Variants in CFDP1 observed in about 807,000 individuals in gnomAD.
CFDP1 encodes chromatin remodeling protein CFDP1, also known as heterochromatin-stabilizing protein CFDP1.
A neutral mutation model predicts 40.1 loss-of-function variants in CFDP1; 31 were observed. The ratio of observed to expected loss-of-function variants is 0.77; its 90% confidence interval spans 0.58 to 1.04. The LOEUF (loss-of-function observed/expected upper bound fraction) is 1.04, where lower values mean the gene tolerates loss of function less well. CFDP1 is among the 50% of genes least tolerant of loss of function. The probability of loss-of-function intolerance (pLI) is 0.00; values close to 1 mark genes in which losing one functional copy is unlikely to be tolerated. For missense variants in CFDP1, 423 were observed against 343.4 expected (o/e 1.23, Z -1.83); for synonymous variants, 167 against 120.0 (o/e 1.39, Z -2.56).
chr16:75,347,207 A>C (rs538465237), intron 5 of CFDP1, among the ~76,000 whole-genome samples: 1 of 151,550 alleles, frequency 6.6e-6, no homozygotes, highest in South Asian at 2.1e-4. Context: ...AGCTGGGCAT[A>C]ATGGCGGGCG....
chr16:75,380,168 G>C lies in CFDP1; in HGVS notation c.650+14922C>G, dbSNP rs565343792. ...AAAAAAAGAAAGAAAAGCTACATAGGGTATCTGCACTTAAAGCCGATGAAC... is the reference window on the plus strand; with the variant it reads ...AAAAAAAGAAAGAAAAGCTACATAGCGTATCTGCACTTAAAGCCGATGAAC... On this transcript the variant is annotated intron_variant, in intron 5 of 6. Transcript: ENST00000283882. The C allele has an allele frequency of 2.0e-5, 3 of 151,720 alleles. No homozygotes were observed. In the East Asian group the frequency reaches 5.8e-4, roughly 29 times the overall value. 9.4% of individuals were successfully genotyped at this position (151,720 alleles called of 1,614,324 possible).
chr16:75,371,869 A>C (rs2078754108), intron 5 of CFDP1, among the ~76,000 whole-genome samples: 1 of 152,182 alleles, frequency 6.6e-6, no homozygotes, highest in Admixed American at 6.5e-5. Context: ...ATGATTTTAT[A>C]ATTTCCTTGT....
chr16:75,395,190 C>T lies in CFDP1; in HGVS notation c.550G>A (p.Ala184Thr). 6.2e-7 allele frequency: 1 copy of T among 1,613,538 alleles called. No individual in the cohort carries two copies. The highest frequency in any genetic ancestry group is 8.5e-7 in the Non-Finnish European group (1 of 1,179,694). The change falls in exon 5 of 7, where the codon GCT (alanine) becomes ACT (threonine). Residue 184 changes from alanine to threonine, a missense_variant. Ala to Thr is a moderately conservative substitution (Grantham distance 58). Coordinates refer to ENST00000283882, the MANE Select transcript of CFDP1 (RefSeq NM_006324.3). ...AAGGATTTGGCCTCTTTAGATGTAG[C>T]ATCCACTTCCTTAGTTACCCTGTGC... ...EEVRVTKEVDATSKEAKSFFK... is the reference protein window; with the variant it reads ...EEVRVTKEVDTTSKEAKSFFK...
At chr16:75,324,301 C>T (rs1036354244) in intron 5 of CFDP1, among the ~76,000 whole-genome samples, 4 of 151,996 alleles carry the variant, frequency 2.6e-5, no homozygotes, top group African/African-American at 4.8e-5. Flanking sequence ...AAGTCCACAA[C>T]GAGGCAACAG....
chr16:75,381,041 G>C (rs1422228795), intron 5 of CFDP1, among the ~76,000 whole-genome samples: 1 of 152,178 alleles, frequency 6.6e-6, no homozygotes, highest in Non-Finnish European at 1.5e-5. Flanking sequence ...CCCCAGCAGT[G>C]GCACGTAGAG....
chr16:75,368,595 C>CAAAAAA (rs2078732337), intron 5 of CFDP1, among the ~76,000 whole-genome samples: 2 of 152,068 alleles, frequency 1.3e-5, no homozygotes, highest in South Asian at 2.1e-4. Flanking sequence ...AAAAGATTGG[C>CAAAAAA]AAAATATTGA....
At chr16:75,422,683 C>T (rs2079293837) in intron 1 of CFDP1, among the ~76,000 whole-genome samples, 1 of 151,888 alleles carries the variant, frequency 6.6e-6, no homozygotes, top group Non-Finnish European at 1.5e-5. Flanking sequence ...GTCAGAGCCA[C>T]CACATCCAGC....
At chr16:75,403,547 A>T (rs1316424006) in intron 4 of CFDP1, among the ~76,000 whole-genome samples, 1 of 152,180 alleles carries the variant, frequency 6.6e-6, no homozygotes, top group Non-Finnish European at 1.5e-5. Flanking sequence ...ACAGTTATTT[A>T]CCAGCTTTTT....
At chr16:75,330,158 C>A (rs1022070074) in intron 5 of CFDP1, among the ~76,000 whole-genome samples, 2 of 152,204 alleles carry the variant, frequency 1.3e-5, no homozygotes, top group Non-Finnish European at 2.9e-5. Context: ...TCCTGATATT[C>A]CTCAATGACC....
intron 5 of CFDP1, among the ~76,000 whole-genome samples, chr16:75,388,218 G>T (rs928814177): frequency 6.6e-6 from 1 of 152,200 alleles, no homozygotes; most frequent in Admixed American, 6.5e-5. Flanking sequence ...CCTACTCTTG[G>T]AATGTTTATG....
chr16:75,384,852 CTATATATATATATATA>C (rs59681577), intron 5 of CFDP1, among the ~76,000 whole-genome samples: 70 of 119,996 alleles, frequency 5.8e-4, no homozygotes, highest in East Asian at 3.0e-3. Flanking sequence ...GAAACTAAAA[CTATATATATATATATA>C]TATATATATA....
intron 5 of CFDP1, among the ~76,000 whole-genome samples, chr16:75,312,342 C>G (rs9923574): frequency 0.21 from 32,388 of 152,044 alleles, 3,828 homozygotes; most frequent in African/African-American, 0.31. Flanking sequence ...ATTTTTAAAC[C>G]TTTTGTGGCT....
At chr16:75,401,953 G>A (rs1233244927) in intron 4 of CFDP1, among the ~76,000 whole-genome samples, 1 of 152,170 alleles carries the variant, frequency 6.6e-6, no homozygotes, top group Non-Finnish European at 1.5e-5. Flanking sequence ...ATAGTAAGTG[G>A]CATAAAAGCA....
chr16:75,334,508 A>T (rs1188929410), intron 5 of CFDP1, among the ~76,000 whole-genome samples: 1 of 150,780 alleles, frequency 6.6e-6, no homozygotes, highest in Non-Finnish European at 1.5e-5. Flanking sequence ...AGCTGGAGGC[A>T]GCGCAGAGGG....
chr16:75,419,758 A>G (rs564878946), intron 1 of CFDP1, among the ~76,000 whole-genome samples: 1 of 152,320 alleles, frequency 6.6e-6, no homozygotes, highest in East Asian at 1.9e-4. Context: ...TACAAATGCC[A>G]TGGCAACATC....
intron 5 of CFDP1, among the ~76,000 whole-genome samples, chr16:75,345,215 G>T (rs1056927928): frequency 6.6e-6 from 1 of 151,984 alleles, no homozygotes; most frequent in African/African-American, 2.4e-5. Flanking sequence ...CCAGCACTTT[G>T]GGAGGCCGAG....
At chr16:75,427,701 A>C (rs939668863) in intron 1 of CFDP1, among the ~76,000 whole-genome samples, 2 of 152,266 alleles carry the variant, frequency 1.3e-5, no homozygotes, top group African/African-American at 4.8e-5. Context: ...GTAAAGTTAA[A>C]CATACACATA....
At chr16:75,364,890 C>T (rs1288477514) in intron 5 of CFDP1, among the ~76,000 whole-genome samples, 1 of 37,734 alleles carries the variant, frequency 2.7e-5, no homozygotes, top group Non-Finnish European at 8.4e-5. Context: ...TTGAGAACCA[C>T]TAAACATTTA....
At chr16:75,367,910 G>A (rs998111157) in intron 5 of CFDP1, among the ~76,000 whole-genome samples, 2 of 151,732 alleles carry the variant, frequency 1.3e-5, no homozygotes, top group African/African-American at 4.8e-5. Context: ...TTCGAGACCA[G>A]CCCAGCCAAC....
Sources: allele counts gnomAD v4.1 joint callset (sites outside exome capture counted in the v4.1 genomes callset), GRCh38; gene constraint gnomAD v4.1.1; transcripts MANE v1.5; gene names NCBI Gene and HGNC (gene_info 2026-07-23, HGNC 2026-07-21).